The following TOX3 variants were observed in gnomAD, a reference collection of about 807,000 sequenced individuals.
TOX3 encodes the protein TOX high mobility group box family member 3.
A neutral mutation model predicts 64.3 loss-of-function variants in TOX3; 22 were observed. The ratio of observed to expected loss-of-function variants is 0.34; its 90% CI spans 0.24 to 0.49. The LOEUF is 0.49. Among genes scored for constraint, TOX3 ranks in the 20% least tolerant of loss-of-function variants. The pLI is 0.99. For synonymous variants in TOX3, 291 were observed against 273.6 expected, an observed-to-expected ratio of 1.06 and a Z score of -0.63; for missense variants, 661 against 714.4, an observed-to-expected ratio of 0.93 and a Z score of 0.85.
intron 1 of TOX3, among the ~76,000 whole-genome samples, chr16:52,516,553 C>T (rs1962463134): frequency 6.6e-6 from 1 of 152,156 alleles, no homozygotes; most frequent in African/African-American, 2.4e-5. Context: ...AGATTTCTGA[C>T]ATTTCCTTAT....
intron 1 of TOX3, among the ~76,000 whole-genome samples, chr16:52,539,505 A>C (rs1015009301): frequency 1.3e-5 from 2 of 152,222 alleles, no homozygotes; most frequent in African/African-American, 4.8e-5. Flanking sequence ...TTCACATGTT[A>C]CTTCCTAAAT....
In TOX3 at chr16:52,438,883, C is replaced by A; in HGVS notation, c.*342G>T. 1.9e-6 allele frequency: 1 copy of A among 520,808 alleles called. No homozygotes were observed. 32.3% of individuals were successfully genotyped at this position (520,808 alleles called of 1,614,324 possible). A position where few individuals can be genotyped will look rare whatever the true frequency, so the allele number is the denominator to read the frequency against. ...CTTCTGGAGAAATAAGGCCATTTTT[C>A]TATGACTCAGAGAGGCCAGTTTATA... On this transcript the variant is annotated 3_prime_UTR_variant, in exon 7 of 7. Transcript: ENST00000219746.
intron 1 of TOX3, among the ~76,000 whole-genome samples, chr16:52,517,419 G>T (rs1962487028): frequency 6.6e-6 from 1 of 152,116 alleles, no homozygotes; most frequent in South Asian, 2.1e-4. Flanking sequence ...GTATTGGGAA[G>T]CCAGGATGGT....
At chr16:52,546,188 T>C (rs997203796) in intron 1 of TOX3, among the ~76,000 whole-genome samples, 2 of 150,318 alleles carry the variant, frequency 1.3e-5, no homozygotes, top group South Asian at 4.2e-4. Flanking sequence ...AGGCCGGCTC[T>C]GGAGTAGGTG....
intron 6 of TOX3, among the ~76,000 whole-genome samples, chr16:52,442,851 AT>A (rs557483903): frequency 8.7e-4 from 132 of 151,880 alleles, no homozygotes; most frequent in African/African-American, 3.0e-3. Context: ...TATCCTATTG[AT>A]TTTTTTTCTC....
intron 3 of TOX3, among the ~76,000 whole-genome samples, chr16:52,456,345 C>G (rs1354923523): frequency 6.6e-6 from 1 of 152,086 alleles, no homozygotes; most frequent in Non-Finnish European, 1.5e-5. Flanking sequence ...CGAAGAATAC[C>G]CAAAGATTAA....
chr16:52,488,537 C>T (rs43143), intron 1 of TOX3, among the ~76,000 whole-genome samples: 84,450 of 152,062 alleles, frequency 0.56, 25,425 homozygotes, highest in African/African-American at 0.79. Context: ...TGTTTGGATG[C>T]AATTTTTTCT....
At chr16:52,446,831 T>A (rs985087976) in intron 4 of TOX3, among the ~76,000 whole-genome samples, 29 of 152,142 alleles carry the variant, frequency 1.9e-4, no homozygotes, top group Admixed American at 1.9e-3. Context: ...TTCTGAAGAT[T>A]AACAGCAAAT....
chr16:52,440,510 C>T (rs1476577364), intron 6 of TOX3, among the ~76,000 whole-genome samples: 1 of 152,170 alleles, frequency 6.6e-6, no homozygotes, highest in African/African-American at 2.4e-5. Context: ...TGTTACACAG[C>T]ACTATTGTGG....
At chr16:52,529,959 G>A (rs1034533652) in intron 1 of TOX3, among the ~76,000 whole-genome samples, 1 of 152,238 alleles carries the variant, frequency 6.6e-6, no homozygotes, top group Non-Finnish European at 1.5e-5. Context: ...TGTGAAGTGG[G>A]GTGCCACATA....
chr16:52,500,050 C>G (rs768248005), intron 1 of TOX3, among the ~76,000 whole-genome samples: 1 of 152,172 alleles, frequency 6.6e-6, no homozygotes, highest in Non-Finnish European at 1.5e-5. Flanking sequence ...TTTTCCATCT[C>G]TGCAGAGACA....
intron 1 of TOX3, among the ~76,000 whole-genome samples, chr16:52,488,926 C>A (rs1234542267): frequency 1.3e-5 from 2 of 152,128 alleles, no homozygotes; most frequent in African/African-American, 4.8e-5. Flanking sequence ...TTTCCTATCC[C>A]ATTTCCCCAC....
At position 52,436,666 on chromosome 16, in the gene TOX3, A is replaced by C. The variant is rs1264752117; in HGVS notation, c.*2559T>G. 6.6e-6 allele frequency: 1 copy of C among 152,238 alleles called. No individual in the cohort carries two copies. Among genetic ancestry groups the C allele is most frequent in the East Asian group, 1.9e-4 (1 of 5,196 alleles). The allele number at this position is 152,238 out of a possible 1,614,324, so 9.4% of individuals were successfully genotyped here. A position where few individuals can be genotyped will look rare whatever the true frequency, so the allele number is the denominator to read the frequency against. ...GTGATTAATTTTATAAACTGTAGTC[A>C]TTAAACTTTTTTTTTCCTCTGGAAT... On this transcript the variant is annotated 3_prime_UTR_variant, in exon 7 of 7. Transcript: ENST00000219746.
intron 1 of TOX3, among the ~76,000 whole-genome samples, chr16:52,525,588 T>TA (rs1189903436): frequency 1.3e-5 from 2 of 151,940 alleles, no homozygotes; most frequent in African/African-American, 4.8e-5. Context: ...AGGCAATAAC[T>TA]AAAAAGAGGG....
intron 1 of TOX3, among the ~76,000 whole-genome samples, chr16:52,524,839 C>T (rs1962690533): frequency 6.6e-6 from 1 of 152,114 alleles, no homozygotes; most frequent in Non-Finnish European, 1.5e-5. Context: ...CCCCTATTTT[C>T]TGCCTTTTCA....
chr16:52,455,875 C>T (rs1350541934), intron 3 of TOX3, among the ~76,000 whole-genome samples: 1 of 152,078 alleles, frequency 6.6e-6, no homozygotes, highest in Non-Finnish European at 1.5e-5. Flanking sequence ...GAGAGACTGG[C>T]CTCATTGTGT....
chr16:52,459,905 T>C (rs1396011601), intron 3 of TOX3, among the ~76,000 whole-genome samples: 2 of 152,096 alleles, frequency 1.3e-5, no homozygotes, highest in African/African-American at 4.8e-5. Flanking sequence ...ATGCCAAGTA[T>C]AATAATAAAA....
chr16:52,437,229 T>A lies in TOX3; in HGVS notation c.*1996A>T, dbSNP rs1483698511. On this transcript the variant is annotated 3_prime_UTR_variant, in exon 7 of 7. Coordinates refer to ENST00000219746, the MANE Select transcript of TOX3 (RefSeq NM_001080430.4). ...ATTTATAATTAGAATCTCTTGCTGT[T>A]CAATATTTGTACATAATACAGAGTA... The A allele has an allele frequency of 6.6e-6, 1 of 152,236 alleles. No homozygotes were observed. Among genetic ancestry groups the A allele is most frequent in the Non-Finnish European group, 1.5e-5 (1 of 68,032 alleles). 9.4% of individuals were successfully genotyped at this position (152,236 alleles called of 1,614,324 possible). A position where few individuals can be genotyped will look rare whatever the true frequency, so the allele number is the denominator to read the frequency against.
At chr16:52,449,995 C>A (rs571024618) in intron 4 of TOX3, among the ~76,000 whole-genome samples, 11 of 152,290 alleles carry the variant, frequency 7.2e-5, no homozygotes, top group African/African-American at 2.6e-4. Context: ...GGAGTCCAAG[C>A]CTTCCTTTTG....
Sources: gnomAD v4.1 joint callset for allele counts (sites outside exome capture counted in the v4.1 genomes callset) on GRCh38, gnomAD v4.1.1 for gene constraint, MANE v1.5 for transcripts, NCBI Gene and HGNC (gene_info 2026-07-23, HGNC 2026-07-21) for gene names.